WWOX: variants seen among roughly 807,000 people sequenced by gnomAD.
WWOX encodes WW domain-containing oxidoreductase.
A neutral mutation model predicts 46.2 loss-of-function variants in WWOX; 69 were observed. The ratio of observed to expected loss-of-function variants is 1.49; its 90% CI spans 1.23 to 1.82. WWOX has a LOEUF of 1.82. Ranked by LOEUF, WWOX falls within the 40% of genes most tolerant of loss-of-function variation. The pLI, the probability that WWOX is intolerant of heterozygous loss-of-function variation, is 0.00. For synonymous variants in WWOX, 359 were observed against 202.6 expected, an observed-to-expected ratio of 1.77 and a Z score of -6.56; for missense variants, 919 against 542.6, an observed-to-expected ratio of 1.69 and a Z score of -6.89.
intron 5 of WWOX, chr16:78,269,169 C>G (rs2079425686): frequency 6.6e-6 from 1 of 152,158 alleles, no homozygotes; most frequent in Admixed American, 6.5e-5. Context: ...GTATGTATAT[C>G]CAAGTGGAAT....
intron 8 of WWOX, among the ~76,000 whole-genome samples, chr16:78,921,228 C>T (rs1005707496): frequency 6.6e-6 from 1 of 152,100 alleles, no homozygotes; most frequent in Admixed American, 6.5e-5. Flanking sequence ...TTTGAAAAGA[C>T]ATTAGCCTCG....
At chr16:78,579,164 C>G (rs1448011025) in intron 8 of WWOX, among the ~76,000 whole-genome samples, 1 of 152,122 alleles carries the variant, frequency 6.6e-6, no homozygotes, top group East Asian at 1.9e-4. Context: ...AATGATTCAG[C>G]AATAATTAGG....
intron 4 of WWOX, among the ~76,000 whole-genome samples, chr16:78,132,374 A>C (rs578136434): frequency 2.6e-5 from 4 of 152,264 alleles, no homozygotes; most frequent in Admixed American, 2.0e-4. Context: ...CTGAGTAACT[A>C]TAAAGAAAAG....
chr16:78,142,170 A>T (rs369519307), intron 4 of WWOX, among the ~76,000 whole-genome samples: 2 of 152,182 alleles, frequency 1.3e-5, no homozygotes, highest in Non-Finnish European at 2.9e-5. Flanking sequence ...GTGAACATCT[A>T]AGAGTCTTAT....
intron 8 of WWOX, among the ~76,000 whole-genome samples, chr16:78,955,268 C>T (rs987767879): frequency 1.8e-4 from 28 of 152,158 alleles, no homozygotes; most frequent in African/African-American, 6.3e-4. Context: ...TGGACCTCCA[C>T]ATGTCCCTCA....
At chr16:78,501,937 C>T (rs55704735) in intron 8 of WWOX, among the ~76,000 whole-genome samples, 1,635 of 152,214 alleles carry the variant, frequency 0.011, 29 homozygotes, top group African/African-American at 0.037. Flanking sequence ...ACCTGCCCAT[C>T]GTCAGATTTC....
chr16:78,757,009 C>A, intron 8 of WWOX: 1 of 699,830 alleles, frequency 1.4e-6, no homozygotes, highest in Non-Finnish European at 2.6e-6. Context: ...CTCCTGCCAA[C>A]AGCCATGTGA....
At position 78,578,281 on chromosome 16, in the gene WWOX, TA is replaced by T. The variant is rs1217604931; in HGVS notation, c.1056+145530del. ...ATATATATATATATATATATATATATATATTTTTTTTTTTTTTTTTTTTTTT... is the reference window on the plus strand; with the variant it reads ...ATATATATATATATATATATATATATTATTTTTTTTTTTTTTTTTTTTTTT... On this transcript the variant is annotated intron_variant, in intron 8 of 8. Transcript: ENST00000566780. Among the ~76,000 whole-genome samples the T allele has an allele frequency of 2.0e-3, 97 of 48,808 alleles. 1 individual carries two copies. Among genetic ancestry groups the T allele is most frequent in the Non-Finnish European group, 2.8e-3 (72 of 25,290 alleles). The allele number at this position is 48,808 out of a possible 152,430, so 32.0% of individuals were successfully genotyped here. A position where few individuals can be genotyped will look rare whatever the true frequency, so the allele number is the denominator to read the frequency against.
At position 78,406,291 on chromosome 16, in the gene WWOX, C is replaced by CATATAA. The variant is rs749138794; in HGVS notation, c.606-18567_606-18562dup. Among the ~76,000 whole-genome samples, 546 of 93,006 alleles carry CATATAA rather than the reference C, an allele frequency of 5.9e-3. 13 individuals carry two copies. Among genetic ancestry groups the CATATAA allele is most frequent in the South Asian group, 0.024 (50 of 2,106 alleles). 61.0% of individuals were successfully genotyped at this position (93,006 alleles called of 152,430 possible). The stretch of plus-strand genomic sequence containing the variant: ...TGATATAATTTCCATTACATTACAG[C>CATATAA]ATATAAATATAAATATATATATATA... On this transcript the variant is annotated intron_variant, in intron 6 of 8. Transcript: ENST00000566780.
intron 8 of WWOX, among the ~76,000 whole-genome samples, chr16:78,474,573 A>G (rs1372214711): frequency 1.3e-5 from 2 of 152,206 alleles, no homozygotes; most frequent in East Asian, 1.9e-4. Flanking sequence ...TATTTTTTAT[A>G]ACAGCTTTAT....
chr16:79,053,203 G>T (rs1374437709), intron 8 of WWOX, among the ~76,000 whole-genome samples: 4 of 152,100 alleles, frequency 2.6e-5, no homozygotes, highest in Non-Finnish European at 5.9e-5. Context: ...AACTAGATGG[G>T]GAGGCCAGGG....
At chr16:78,900,589 C>T (rs532734931) in intron 8 of WWOX, among the ~76,000 whole-genome samples, 3 of 152,222 alleles carry the variant, frequency 2.0e-5, no homozygotes. Context: ...GTAACCAGTA[C>T]ACAAACCACA....
intron 8 of WWOX, among the ~76,000 whole-genome samples, chr16:79,061,726 G>C (rs779900775): frequency 6.6e-5 from 10 of 152,124 alleles, no homozygotes; most frequent in Non-Finnish European, 1.2e-4. Flanking sequence ...TTTTGCTCAG[G>C]GCTACTTCTC....
At chr16:78,838,300 A>G (rs2052046179) in intron 8 of WWOX, among the ~76,000 whole-genome samples, 1 of 152,184 alleles carries the variant, frequency 6.6e-6, no homozygotes, top group Admixed American at 6.5e-5. Flanking sequence ...ATGGCGTTGC[A>G]GAGTGACAGT....
chr16:79,007,127 G>A (rs958149165), intron 8 of WWOX, among the ~76,000 whole-genome samples: 5 of 152,188 alleles, frequency 3.3e-5, no homozygotes, highest in South Asian at 2.1e-4. Flanking sequence ...AAATGACACA[G>A]ACAAGATCCT....
At chr16:78,869,827 G>A (rs2044088479) in intron 8 of WWOX, among the ~76,000 whole-genome samples, 1 of 152,236 alleles carries the variant, frequency 6.6e-6, no homozygotes, top group Non-Finnish European at 1.5e-5. Context: ...TTGCTTTGGA[G>A]TAAGTTTGTG....
At chr16:79,163,089 T>A (rs2050518947) in intron 8 of WWOX, among the ~76,000 whole-genome samples, 1 of 152,192 alleles carries the variant, frequency 6.6e-6, no homozygotes, top group Admixed American at 6.5e-5. Flanking sequence ...CAAACCAGTG[T>A]TTGTTGACAA....
intron 8 of WWOX, among the ~76,000 whole-genome samples, chr16:78,928,271 C>T (rs996297641): frequency 1.1e-4 from 16 of 148,308 alleles, no homozygotes; most frequent in African/African-American, 3.8e-4. Flanking sequence ...GGCGCGATCT[C>T]GGCTCACTGC....
chr16:78,439,610 A>G (rs6564561), intron 8 of WWOX, among the ~76,000 whole-genome samples: 72,767 of 151,958 alleles, frequency 0.48, 21,495 homozygotes, highest in African/African-American at 0.84. Context: ...TGCAGCCTCT[A>G]CTCCCTTTTA....
Sources: allele counts gnomAD v4.1 joint callset (sites outside exome capture counted in the v4.1 genomes callset), GRCh38; gene constraint gnomAD v4.1.1; transcripts MANE v1.5; gene names NCBI Gene and HGNC (gene_info 2026-07-23, HGNC 2026-07-21).